TENM1: variants seen among roughly 807,000 people sequenced by gnomAD.
TENM1 encodes teneurin transmembrane protein 1.
In TENM1, 35 loss-of-function variants were observed where a neutral mutation model predicts 174.8. The ratio of observed to expected loss-of-function variants is 0.20; its 90% CI spans 0.15 to 0.27. TENM1 has a LOEUF of 0.27. TENM1 is among the 10% of genes least tolerant of loss of function. The pLI is 1.00. For synonymous variants in TENM1, 781 were observed against 798.7 expected (o/e 0.98, Z 0.37); for missense variants, 1,633 against 2,130.1 (o/e 0.77, Z 4.59).
At chrX:124,603,258 A>G (rs190510312) in intron 11 of TENM1, among the ~76,000 whole-genome samples, 2 of 111,820 alleles carry the variant, frequency 1.8e-5, no homozygotes, top group Admixed American at 1.9e-4. Flanking sequence ...TAGGAAACTG[A>G]TATACTAAGC....
At chrX:124,554,147 A>C (rs1372738095) in intron 14 of TENM1, among the ~76,000 whole-genome samples, 1 of 112,169 alleles carries the variant, frequency 8.9e-6, no homozygotes, top group Non-Finnish European at 1.9e-5. Context: ...TATTTGAATA[A>C]TGAATAAATG....
At chrX:124,899,535 T>C (rs1358567533) in intron 1 of TENM1, among the ~76,000 whole-genome samples, 1 of 111,666 alleles carries the variant, frequency 9.0e-6, no homozygotes, top group African/African-American at 3.3e-5. Context: ...GATGGGCATT[T>C]AGGTTGATTC....
intron 3 of TENM1, among the ~76,000 whole-genome samples, chrX:124,799,232 T>C (rs1158244968): frequency 1.8e-5 from 2 of 111,298 alleles, no homozygotes; most frequent in Non-Finnish European, 3.8e-5. Context: ...CTGTGAAGAA[T>C]GTCAATGGTA....
chrX:124,542,666 T>C (rs1436508333), intron 15 of TENM1, among the ~76,000 whole-genome samples: 2 of 111,247 alleles, frequency 1.8e-5, no homozygotes, highest in African/African-American at 6.5e-5. Context: ...TCTCATAAAA[T>C]GTGGACTTTT....
the TENM1 span, among the ~76,000 whole-genome samples, chrX:125,013,251 C>A: frequency 9.0e-6 from 1 of 111,658 alleles, no homozygotes; most frequent in African/African-American, 3.3e-5. Flanking sequence ...AATGTCTAGG[C>A]AAATTGGGAT....
At chrX:125,028,601 A>G in the TENM1 span, among the ~76,000 whole-genome samples, 2 of 111,731 alleles carry the variant, frequency 1.8e-5, no homozygotes, top group African/African-American at 3.3e-5. Context: ...TTGGGTGATG[A>G]AATAATTTGT....
At chrX:124,868,670 T>C (rs906626755) in intron 3 of TENM1, among the ~76,000 whole-genome samples, 1 of 110,860 alleles carries the variant, frequency 9.0e-6, no homozygotes, top group Admixed American at 9.6e-5. Context: ...CGGTAAAAGA[T>C]ACAATCAACA....
chrX:124,987,701 TTGTGTGTGTGTGTGTG>T, the TENM1 span, among the ~76,000 whole-genome samples: 403 of 91,381 alleles, frequency 4.4e-3, 3 homozygotes, highest in African/African-American at 0.015. Flanking sequence ...GTTCTGCATT[TTGTGTGTGTGTGTGTG>T]TGTGTGTGTG....
intron 22 of TENM1, 27 bp downstream of exon 25, chrX:124,481,705 A>ATATATATATATC (rs2147936430): frequency 5.4e-6 from 2 of 368,780 alleles, no homozygotes; most frequent in Admixed American, 4.8e-5. Context: ...GTATATATAT[A>ATATATATATATC]TATATATTTA....
chrX:124,604,091 A>G (rs971476740), intron 11 of TENM1, among the ~76,000 whole-genome samples: 1 of 110,760 alleles, frequency 9.0e-6, no homozygotes, highest in African/African-American at 3.3e-5. Flanking sequence ...TCTGTTGTCA[A>G]TTTATTCAGT....
chrX:124,491,274 A>G (rs1289377451), intron 20 of TENM1, among the ~76,000 whole-genome samples: 2 of 111,754 alleles, frequency 1.8e-5, no homozygotes, highest in Non-Finnish European at 3.8e-5. Flanking sequence ...ACCATCAGGC[A>G]TGGAATGGGC....
intron 3 of TENM1, among the ~76,000 whole-genome samples, chrX:124,760,788 T>A (rs377179160): frequency 1.8e-5 from 2 of 111,543 alleles, no homozygotes; most frequent in East Asian, 5.7e-4. Flanking sequence ...ATTTTTGCAA[T>A]CTACACATCT....
At chrX:124,560,371 T>G (rs1205412877) in intron 14 of TENM1, among the ~76,000 whole-genome samples, 1 of 110,319 alleles carries the variant, frequency 9.1e-6, no homozygotes, top group Non-Finnish European at 1.9e-5. Flanking sequence ...GAATCTATAT[T>G]TATCATCAAT....
chrX:125,158,299 A>C, the TENM1 span, among the ~76,000 whole-genome samples: 1 of 99,425 alleles, frequency 1.0e-5, no homozygotes, highest in Non-Finnish European at 2.0e-5. Context: ...GCTACTCGGG[A>C]GGCTGGGGCA....
chrX:124,652,038 G>A, exon 8 of TENM1: 2 of 1,211,552 alleles, frequency 1.7e-6, no homozygotes, highest in East Asian at 3.0e-5. Flanking sequence ...TTAAGATCAG[G>A]TTCCGAGGGG....
chrX:125,098,176 A>C, the TENM1 span, among the ~76,000 whole-genome samples: 1 of 111,597 alleles, frequency 9.0e-6, no homozygotes, highest in Non-Finnish European at 1.9e-5. Flanking sequence ...AGGCAGGAGA[A>C]TGGTGTGAAC....
intron 11 of TENM1, among the ~76,000 whole-genome samples, chrX:124,623,307 G>C (rs1429229806): frequency 5.4e-5 from 6 of 111,054 alleles, no homozygotes; most frequent in African/African-American, 2.0e-4. Flanking sequence ...GTGAATGTGA[G>C]AGTGTATAAG....
At chrX:125,052,740 C>T in the TENM1 span, among the ~76,000 whole-genome samples, 1 of 111,869 alleles carries the variant, frequency 8.9e-6, no homozygotes, top group African/African-American at 3.2e-5. Flanking sequence ...ATCATACAAC[C>T]CCCAGTCTTC....
intron 1 of TENM1, among the ~76,000 whole-genome samples, chrX:124,907,873 T>C (rs967242474): frequency 2.7e-5 from 3 of 111,875 alleles, no homozygotes; most frequent in African/African-American, 9.7e-5. Flanking sequence ...TTTTTGAGAG[T>C]GGTATTTACA....
Sources: gnomAD v4.1 joint callset for allele counts (sites outside exome capture counted in the v4.1 genomes callset) on GRCh38, gnomAD v4.1.1 for gene constraint, MANE v1.5 for transcripts, NCBI Gene and HGNC (gene_info 2026-07-23, HGNC 2026-07-21) for gene names.